BANK1: variants seen among roughly 807,000 people sequenced by gnomAD.
BANK1 encodes B-cell scaffold protein with ankyrin repeats.
A neutral mutation model predicts 94.5 loss-of-function variants in BANK1; 95 were observed. The ratio of observed to expected loss-of-function variants is 1.00; its 90% confidence interval spans 0.85 to 1.19. BANK1 has a LOEUF of 1.19. BANK1 is among the 50% of genes most tolerant of loss of function. BANK1 has a pLI of 0.00. For synonymous variants in BANK1, 334 were observed against 308.4 expected (o/e 1.08, Z -0.87); for missense variants, 987 against 932.2 (o/e 1.06, Z -0.77).
At chr4:101,976,953 G>A (rs922476388) in intron 7 of BANK1, 14 of 152,072 alleles carry the variant, frequency 9.2e-5, no homozygotes, top group African/African-American at 1.9e-4. Context: ...ATATGAATCA[G>A]CAAATATTAT....
intron 7 of BANK1, among the ~76,000 whole-genome samples, chr4:101,973,174 A>G (rs1460152330): frequency 6.6e-6 from 1 of 152,078 alleles, no homozygotes; most frequent in Admixed American, 6.6e-5. Context: ...AATGTCAAGT[A>G]TTTGAGGTGA....
intron 10 of BANK1, among the ~76,000 whole-genome samples, chr4:102,031,369 T>C (rs1479299640): frequency 6.6e-6 from 1 of 152,178 alleles, no homozygotes; most frequent in Non-Finnish European, 1.5e-5. Flanking sequence ...TTGCCAAAAT[T>C]TTCTCCCACT....
At chr4:101,843,787 T>G (rs571025507) in intron 2 of BANK1, among the ~76,000 whole-genome samples, 37 of 151,936 alleles carry the variant, frequency 2.4e-4, no homozygotes, top group African/African-American at 3.1e-4. Context: ...CTGGGCGTGC[T>G]GGCACGCACC....
At chr4:101,972,277 C>A (rs1174254550) in intron 7 of BANK1, 1 of 151,902 alleles carries the variant, frequency 6.6e-6, no homozygotes, top group Non-Finnish European at 1.5e-5. Flanking sequence ...TTGGATAGTT[C>A]ATTGAATAAA....
chr4:101,969,288 G>A (rs899884318), intron 7 of BANK1, among the ~76,000 whole-genome samples: 3 of 151,998 alleles, frequency 2.0e-5, no homozygotes, highest in Non-Finnish European at 4.4e-5. Context: ...AATACTTAAG[G>A]AGTTCATACT....
At chr4:102,010,957 A>ATTT (rs929528495) in intron 7 of BANK1, among the ~76,000 whole-genome samples, 29 of 152,350 alleles carry the variant, frequency 1.9e-4, no homozygotes, top group Non-Finnish European at 3.8e-4. Flanking sequence ...CAGTGTTTCA[A>ATTT]TATTATGTTT....
chr4:101,849,001 A>G (rs936414353), intron 2 of BANK1, among the ~76,000 whole-genome samples: 8 of 152,318 alleles, frequency 5.3e-5, no homozygotes, highest in Middle Eastern at 3.4e-3. Flanking sequence ...GGCTGGACAT[A>G]CATGCCTTGC....
intron 9 of BANK1, among the ~76,000 whole-genome samples, chr4:102,029,349 G>T (rs1727206444): frequency 6.6e-6 from 1 of 151,486 alleles, no homozygotes; most frequent in Admixed American, 6.6e-5. Flanking sequence ...TAAATTTTAG[G>T]TGAAATATCC....
chr4:102,004,783 G>A (rs1726193162), intron 7 of BANK1, among the ~76,000 whole-genome samples: 1 of 152,068 alleles, frequency 6.6e-6, no homozygotes, highest in Admixed American at 6.6e-5. Flanking sequence ...TGTGGCTTTA[G>A]AAAAATTAAA....
chr4:101,899,076 T>C (rs749969375), intron 6 of BANK1, among the ~76,000 whole-genome samples: 1 of 151,988 alleles, frequency 6.6e-6, no homozygotes, highest in African/African-American at 2.4e-5. Context: ...TTGCGAAGCA[T>C]GAAGTTTTAC....
chr4:101,800,606 C>A (rs1269706718), intron 1 of BANK1, among the ~76,000 whole-genome samples: 1 of 152,152 alleles, frequency 6.6e-6, no homozygotes, highest in Non-Finnish European at 1.5e-5. Context: ...TGATAAAGCT[C>A]TACTCCTGAA....
intron 4 of BANK1, among the ~76,000 whole-genome samples, chr4:101,867,173 AT>A (rs67519732): frequency 0.17 from 8,133 of 47,174 alleles, 1,806 homozygotes; most frequent in African/African-American, 0.38. Context: ...AATAAAAAAA[AT>A]TTAAAAAAAA....
chr4:102,007,170 A>ATATATAT (rs1560682419), intron 7 of BANK1, among the ~76,000 whole-genome samples: 8 of 113,212 alleles, frequency 7.1e-5, no homozygotes, highest in Non-Finnish European at 1.3e-4. Flanking sequence ...ATATATATAT[A>ATATATAT]AAATCCCTAA....
chr4:101,808,192 A>G (rs1218610953), intron 1 of BANK1, among the ~76,000 whole-genome samples: 1 of 152,190 alleles, frequency 6.6e-6, no homozygotes, highest in Non-Finnish European at 1.5e-5. Flanking sequence ...AAATAAACTT[A>G]TTTAATTCTC....
intron 1 of BANK1, among the ~76,000 whole-genome samples, chr4:101,795,741 T>C (rs1725133648): frequency 6.6e-6 from 1 of 152,162 alleles, no homozygotes; most frequent in South Asian, 2.1e-4. Context: ...TCAGTAAAAA[T>C]GTAGAACTTT....
intron 15 of BANK1, 52 bp downstream of exon 15, chr4:102,072,452 A>C (rs1395690281): frequency 7.4e-7 from 1 of 1,354,506 alleles, no homozygotes; most frequent in Non-Finnish European, 1.0e-6. Flanking sequence ...TAACTTCGTT[A>C]AAAAAGAACA....
At chr4:101,933,192 T>C (rs1182264222) in intron 7 of BANK1, among the ~76,000 whole-genome samples, 1 of 151,010 alleles carries the variant, frequency 6.6e-6, no homozygotes, top group Non-Finnish European at 1.5e-5. Context: ...ATGGTAGGGA[T>C]AGGACCATAG....
At chr4:101,804,469 A>G (rs1433748275) in intron 1 of BANK1, among the ~76,000 whole-genome samples, 1 of 152,162 alleles carries the variant, frequency 6.6e-6, no homozygotes, top group Non-Finnish European at 1.5e-5. Context: ...GAATAATGCC[A>G]TGGGACTCAT....
intron 3 of BANK1, among the ~76,000 whole-genome samples, chr4:101,857,521 G>T (rs928890155): frequency 1.3e-5 from 2 of 152,100 alleles, no homozygotes; most frequent in African/African-American, 4.8e-5. Flanking sequence ...ATTAACTTTA[G>T]TCTATCGTTA....
Sources: gnomAD v4.1 joint callset for allele counts (sites outside exome capture counted in the v4.1 genomes callset) on GRCh38, gnomAD v4.1.1 for gene constraint, MANE v1.5 for transcripts, NCBI Gene and HGNC (gene_info 2026-07-23, HGNC 2026-07-21) for gene names.